Variants in RANBP3L observed in about 807,000 individuals in gnomAD.
RANBP3L encodes ran-binding protein 3-like.
A neutral mutation model predicts 67.2 loss-of-function variants in RANBP3L; 56 were observed. The ratio of observed to expected loss-of-function variants is 0.83; its 90% CI spans 0.67 to 1.04. The LOEUF is 1.04. RANBP3L is among the 50% of genes least tolerant of loss of function. The pLI is 0.00. For synonymous variants in RANBP3L, 164 were observed against 181.4 expected (o/e 0.90, Z 0.77); for missense variants, 496 against 535.5 (o/e 0.93, Z 0.73).
At chr5:36,298,829 C>G (rs1752414868) in intron 1 of RANBP3L, among the ~76,000 whole-genome samples, 1 of 152,124 alleles carries the variant, frequency 6.6e-6, no homozygotes, top group African/African-American at 2.4e-5. Flanking sequence ...AGAAAGAAGA[C>G]CAGTCTTGTG....
rs1227853885 is a variant in RANBP3L at position 36,257,545 on chromosome 5, T to G, written c.681A>C (p.Lys227Asn). ...CATTTTCAAGTTGAGGCTGGGTGAGTTTTTGAGTACCCTGAGAGCGGAAAA... is the reference window on the plus strand; with the variant it reads ...CATTTTCAAGTTGAGGCTGGGTGAGGTTTTGAGTACCCTGAGAGCGGAAAA... The part of the protein sequence containing the change: ...NMVERVLGTQ[K>N]LTQPQLENDS... The change falls in exon 9 of 14, where the codon AAA (lysine) becomes AAC (asparagine). Residue 227 changes from lysine (K) to asparagine (N), a missense_variant. Lys to Asn is a moderately conservative substitution (Grantham distance 94, BLOSUM62 0). Coordinates refer to ENST00000296604, the MANE Select transcript of RANBP3L (RefSeq NM_145000.5). The G allele has an allele frequency of 6.5e-7, 1 of 1,528,690 alleles. No individual in the cohort carries two copies. The highest frequency in any genetic ancestry group is 9.0e-7 in the Non-Finnish European group (1 of 1,115,144). The allele number at this position is 1,528,690 out of a possible 1,614,324, so 94.7% of individuals were successfully genotyped here.
At chr5:36,250,562 A>C (rs1002729405) in intron 13 of RANBP3L, among the ~76,000 whole-genome samples, 1 of 152,104 alleles carries the variant, frequency 6.6e-6, no homozygotes, top group African/African-American at 2.4e-5. Context: ...CTATCGTTGT[A>C]ATTGTATTAC....
chr5:36,253,617 A>G, intron 12 of RANBP3L, 30 bp downstream of exon 12: 6 of 1,536,354 alleles, frequency 3.9e-6, no homozygotes, highest in Non-Finnish European at 5.4e-6. Context: ...TTAGTAGGAT[A>G]ATCTTCTATC....
At chr5:36,263,945 T>C in intron 6 of RANBP3L, among the ~76,000 whole-genome samples, 1 of 152,256 alleles carries the variant, frequency 6.6e-6, no homozygotes, top group East Asian at 1.9e-4. Flanking sequence ...ACTTAAAAAT[T>C]ACTTATATAG....
At position 36,253,758 on chromosome 5, in the gene RANBP3L, G is replaced by A. The variant is rs145731182; in HGVS notation, c.1056C>T (p.Ile352=). ...TTTGGGCCCAGAGTTTGCTGTTGAGGATCAGCCTTAGACTGCCTTGATTGC... is the reference window on the plus strand; with the variant it reads ...TTTGGGCCCAGAGTTTGCTGTTGAGAATCAGCCTTAGACTGCCTTGATTGC... The part of the protein sequence containing the change: ...IMRNQGSLRL[I]LNSKLWAQMK... The change falls in exon 12 of 14, where the codon ATC becomes ATT. Residue 352 remains isoleucine, a synonymous_variant. Coordinates refer to ENST00000296604, the MANE Select transcript of RANBP3L (RefSeq NM_145000.5). 858 of 1,612,952 alleles carry A rather than the reference G, an allele frequency of 5.3e-4. 1 individual carries two copies. Among genetic ancestry groups the A allele is most frequent in the Middle Eastern group, 1.2e-3 (7 of 6,076 alleles).
At chr5:36,263,877 T>C (rs543665260) in intron 6 of RANBP3L, among the ~76,000 whole-genome samples, 14 of 152,356 alleles carry the variant, frequency 9.2e-5, no homozygotes, top group Admixed American at 9.1e-4. Context: ...GTGATAATTA[T>C]TACATTATAT....
chr5:36,291,517 T>A (rs1435921533), intron 1 of RANBP3L, among the ~76,000 whole-genome samples: 5 of 152,126 alleles, frequency 3.3e-5, no homozygotes, highest in Admixed American at 6.5e-5. Context: ...TCATCTAGCA[T>A]TAGGTATATC....
rs1052691489 is a variant in RANBP3L at position 36,249,098 on chromosome 5, A to C, written c.*556T>G. The C allele has an allele frequency of 6.6e-6, 1 of 152,110 alleles. No homozygotes were observed. Among genetic ancestry groups the C allele is most frequent in the African/African-American group, 2.4e-5 (1 of 41,454 alleles). 9.4% of individuals were successfully genotyped at this position (152,110 alleles called of 1,614,324 possible). A position where few individuals can be genotyped will look rare whatever the true frequency, so the allele number is the denominator to read the frequency against. On this transcript the variant is annotated 3_prime_UTR_variant, in exon 14 of 14. Coordinates refer to ENST00000296604, the MANE Select transcript of RANBP3L (RefSeq NM_145000.5). ...GCAACAGATACAAGTCCAAGAGCAGATGCTCTTTTTAAAGGAATTCATACC... is the reference window on the plus strand; with the variant it reads ...GCAACAGATACAAGTCCAAGAGCAGCTGCTCTTTTTAAAGGAATTCATACC...
chr5:36,253,924 T>A, intron 11 of RANBP3L, 135 bp from the exon 12 acceptor site: 1 of 745,026 alleles, frequency 1.3e-6, no homozygotes, highest in Non-Finnish European at 2.0e-6. Flanking sequence ...TTGACTAGAT[T>A]AAAACTTGAT....
chr5:36,299,838 C>T (rs1300078532), intron 1 of RANBP3L, among the ~76,000 whole-genome samples: 2 of 152,136 alleles, frequency 1.3e-5, no homozygotes, highest in African/African-American at 2.4e-5. Flanking sequence ...TTTGTTCATC[C>T]TCTGTCATTA....
intron 2 of RANBP3L, 69 bp from the exon 3 acceptor site, chr5:36,270,059 T>C: frequency 1.4e-6 from 2 of 1,417,520 alleles, no homozygotes; most frequent in Non-Finnish European, 2.0e-6. Flanking sequence ...GCAAAAGTTA[T>C]TGCAGTTTTG....
intron 1 of RANBP3L, among the ~76,000 whole-genome samples, chr5:36,284,260 C>T (rs968158858): frequency 6.6e-6 from 1 of 152,152 alleles, no homozygotes; most frequent in Admixed American, 6.5e-5. Flanking sequence ...ATTCCTATGA[C>T]CTTTTGTTTG....
At chr5:36,253,933 A>T in intron 11 of RANBP3L, 144 bp from the exon 12 acceptor site, 1 of 699,552 alleles carries the variant, frequency 1.4e-6, no homozygotes, top group Non-Finnish European at 2.1e-6. Flanking sequence ...TTAAAACTTG[A>T]TTTTCAAATC....
chr5:36,291,059 G>T (rs1474531570), intron 1 of RANBP3L, among the ~76,000 whole-genome samples: 1 of 151,690 alleles, frequency 6.6e-6, no homozygotes, highest in African/African-American at 2.4e-5. Flanking sequence ...TTTTTGTAGT[G>T]GTAAAATATA....
In RANBP3L at chr5:36,281,185, A is replaced by G. The variant is rs563024494; in HGVS notation, c.92-9874T>C. 5.9e-4 allele frequency among the ~76,000 whole-genome samples: 90 copies of G among 152,198 alleles called. No individual in the cohort carries two copies. In the South Asian group the frequency reaches 0.011, roughly 18 times the overall value. ...AGCTGGGGCATGTCATTTGAACCCT[A>G]GAGTCCAGGTTTTCTCACCTGTGAA... On this transcript the variant is annotated intron_variant, in intron 1 of 13. Transcript: ENST00000296604.
At chr5:36,284,168 AT>A (rs2112038733) in intron 1 of RANBP3L, among the ~76,000 whole-genome samples, 1 of 152,208 alleles carries the variant, frequency 6.6e-6, no homozygotes, top group African/African-American at 2.4e-5. Flanking sequence ...ACAGACATAC[AT>A]TTTATGTTCT....
chr5:36,297,774 A>G (rs1282641802), intron 1 of RANBP3L, among the ~76,000 whole-genome samples: 1 of 152,192 alleles, frequency 6.6e-6, no homozygotes. Flanking sequence ...GGACTGATAG[A>G]GCATTTGTTG....
At position 36,253,808 on chromosome 5, in the gene RANBP3L, T is replaced by TAAA. The variant is rs1382777488; in HGVS notation, c.1025-20_1025-19insTTT. On this transcript the variant is annotated intron_variant, in intron 11 of 13. Coordinates refer to ENST00000296604, the MANE Select transcript of RANBP3L (RefSeq NM_145000.5). ...CGCATAACTAAAATAGGAAGGTGACTACATCAGGCCACAGAACAGTTGACA... is the reference window on the plus strand; with the variant it reads ...CGCATAACTAAAATAGGAAGGTGACTAAAACATCAGGCCACAGAACAGTTGACA... 6.2e-7 allele frequency: 1 copy of TAAA among 1,611,132 alleles called. No homozygotes were observed. The highest frequency in any genetic ancestry group is 2.2e-5 in the East Asian group (1 of 44,816).
intron 1 of RANBP3L, among the ~76,000 whole-genome samples, chr5:36,282,285 C>A (rs955000870): frequency 6.6e-6 from 1 of 152,126 alleles, no homozygotes; most frequent in Non-Finnish European, 1.5e-5. Context: ...ATACGCAAGT[C>A]TAAAATGGTG....
Sources: allele counts gnomAD v4.1 joint callset (sites outside exome capture counted in the v4.1 genomes callset), GRCh38; gene constraint gnomAD v4.1.1; transcripts MANE v1.5; gene names NCBI Gene and HGNC (gene_info 2026-07-23, HGNC 2026-07-21).